NSUN6: variants seen among roughly 807,000 people sequenced by gnomAD.
NSUN6 encodes NOP2/Sun RNA methyltransferase 6, also known as tRNA (cytosine(72)-C(5))-methyltransferase NSUN6.
A neutral mutation model predicts 58.0 loss-of-function variants in NSUN6; 64 were observed. The ratio of observed to expected loss-of-function variants is 1.10; its 90% confidence interval spans 0.90 to 1.36. NSUN6 has a LOEUF of 1.36. NSUN6 is among the 40% of genes most tolerant of loss of function. NSUN6 has a pLI of 0.00. For missense variants in NSUN6, 701 were observed against 550.1 expected, an observed-to-expected ratio of 1.27 and a Z score of -2.74; for synonymous variants, 231 against 193.9, an observed-to-expected ratio of 1.19 and a Z score of -1.59.
At chr10:18,548,085 C>G in intron 10 of NSUN6, 27 bp downstream of exon 10, 1 of 1,610,548 alleles carries the variant, frequency 6.2e-7, no homozygotes, top group Non-Finnish European at 8.5e-7. Flanking sequence ...TATCTTATTA[C>G]ACAGAGAAAA....
At chr10:18,587,469 A>T (rs1412620831) in intron 7 of NSUN6, among the ~76,000 whole-genome samples, 1 of 152,176 alleles carries the variant, frequency 6.6e-6, no homozygotes, top group Non-Finnish European at 1.5e-5. Context: ...AAAGTCAATA[A>T]AGATAAGAGG....
intron 8 of NSUN6, among the ~76,000 whole-genome samples, chr10:18,560,759 A>G (rs1467432185): frequency 1.3e-5 from 2 of 150,508 alleles, no homozygotes; most frequent in Admixed American, 1.3e-4. Context: ...AATGGAATAG[A>G]GAATGGAATG....
intron 3 of NSUN6, 29 bp downstream of exon 3, chr10:18,642,447 T>C (rs1343592093): frequency 3.7e-6 from 4 of 1,076,494 alleles, no homozygotes; most frequent in Non-Finnish European, 5.8e-6. Flanking sequence ...TTGAGAATAA[T>C]ATAATTTGGA....
In NSUN6 at chr10:18,648,657, T is replaced by A. The variant is rs2059618689; in HGVS notation, c.76-12A>T. On this transcript the variant is annotated splice_polypyrimidine_tract_variant and intron_variant, in intron 1 of 10. Coordinates refer to ENST00000377304, the MANE Select transcript of NSUN6 (RefSeq NM_182543.5). The stretch of plus-strand genomic sequence containing the variant: ...AAAGCAGTCACAATCTAAAAAGAAG[T>A]TCATGTTTAAATTTCCTGAGAATTA... The A allele has an allele frequency of 9.5e-7, 1 of 1,048,576 alleles. No individual in the cohort carries two copies. The highest frequency in any genetic ancestry group is 1.7e-5 in the African/African-American group (1 of 59,094). The allele number at this position is 1,048,576 out of a possible 1,614,324, so 65.0% of individuals were successfully genotyped here.
chr10:18,621,039 G>A (rs921731886), intron 3 of NSUN6, among the ~76,000 whole-genome samples: 1 of 152,224 alleles, frequency 6.6e-6, no homozygotes, highest in Admixed American at 6.5e-5. Flanking sequence ...ACTGACATCT[G>A]GGAACTGAGA....
chr10:18,624,130 A>T (rs1395856271), intron 3 of NSUN6, among the ~76,000 whole-genome samples: 1 of 152,134 alleles, frequency 6.6e-6, no homozygotes, highest in East Asian at 1.9e-4. Flanking sequence ...GAGAAATTAA[A>T]GGAAAAACCT....
At chr10:18,626,933 C>G (rs1344340632) in intron 3 of NSUN6, among the ~76,000 whole-genome samples, 1 of 152,114 alleles carries the variant, frequency 6.6e-6, no homozygotes, top group African/African-American at 2.4e-5. Context: ...AGACTTTTAT[C>G]AAAAAGGGAG....
intron 3 of NSUN6, among the ~76,000 whole-genome samples, chr10:18,619,611 T>A (rs757995170): frequency 2.6e-5 from 4 of 152,228 alleles, no homozygotes; most frequent in Non-Finnish European, 5.9e-5. Context: ...CATCATTTTG[T>A]GGCCTACTAT....
At chr10:18,575,724 A>C (rs1319833976) in intron 8 of NSUN6, among the ~76,000 whole-genome samples, 1 of 152,158 alleles carries the variant, frequency 6.6e-6, no homozygotes, top group Non-Finnish European at 1.5e-5. Context: ...TTTGAAATGC[A>C]CCACGGAAAG....
chr10:18,639,625 C>T (rs957329815), intron 3 of NSUN6, among the ~76,000 whole-genome samples: 2 of 151,804 alleles, frequency 1.3e-5, no homozygotes, highest in African/African-American at 4.8e-5. Flanking sequence ...TTTCAGGCTT[C>T]CCTGCAATAG....
intron 3 of NSUN6, among the ~76,000 whole-genome samples, chr10:18,632,614 T>A (rs1172342172): frequency 6.6e-6 from 1 of 152,146 alleles, no homozygotes; most frequent in East Asian, 1.9e-4. Flanking sequence ...CAGACACTTC[T>A]CAAAAGAAGA....
rs1042079910 is a variant in NSUN6 at position 18,626,577 on chromosome 10, G to GGCCA, written c.312-10288_312-10285dup. Among the ~76,000 whole-genome samples, 62 of 152,228 alleles carry GGCCA rather than the reference G, an allele frequency of 4.1e-4. 1 individual carries two copies. The highest frequency in any genetic ancestry group is 1.5e-3 in the African/African-American group (61 of 41,558). ...GAGATCAGGAATTCGAGACCAACCT[G>GGCCA]GCCAACATGGTGAAACCCTGTCTCT... On this transcript the variant is annotated intron_variant, in intron 3 of 10. Transcript: ENST00000377304.
chr10:18,653,289 A>G (rs370784143), upstream of NSUN6: 5 of 981,750 alleles, frequency 5.1e-6, no homozygotes, highest in African/African-American at 5.2e-5. Context: ...ACATCTCTAT[A>G]AACTATGGAA....
intron 3 of NSUN6, among the ~76,000 whole-genome samples, chr10:18,640,602 T>C (rs543315565): frequency 4.2e-4 from 64 of 152,238 alleles, no homozygotes; most frequent in African/African-American, 1.3e-3. Context: ...AAGAGCAGCT[T>C]CCTGGTAGGG....
At chr10:18,640,219 G>A (rs562922161) in intron 3 of NSUN6, among the ~76,000 whole-genome samples, 2 of 152,312 alleles carry the variant, frequency 1.3e-5, no homozygotes, top group East Asian at 1.9e-4. Context: ...GATTACGCAT[G>A]TGCATTCATG....
chr10:18,628,459 G>A (rs1297381564), intron 3 of NSUN6, among the ~76,000 whole-genome samples: 1 of 152,166 alleles, frequency 6.6e-6, no homozygotes, highest in African/African-American at 2.4e-5. Flanking sequence ...ATTACTCCGA[G>A]CTACGGGAGG....
chr10:18,560,380 G>A (rs533966681), intron 8 of NSUN6, among the ~76,000 whole-genome samples: 1 of 151,052 alleles, frequency 6.6e-6, no homozygotes, highest in African/African-American at 2.4e-5. Context: ...ATGGAATGGA[G>A]CATGGAATGC....
chr10:18,555,267 T>G (rs2054906998), intron 8 of NSUN6, among the ~76,000 whole-genome samples: 1 of 132,478 alleles, frequency 7.5e-6, no homozygotes, highest in African/African-American at 2.9e-5. Flanking sequence ...TAACTGAATG[T>G]GAATGAAATG....
chr10:18,656,882 A>T (rs2059783860), upstream of NSUN6, among the ~76,000 whole-genome samples: 1 of 133,390 alleles, frequency 7.5e-6, no homozygotes, highest in African/African-American at 2.9e-5. Context: ...GCTGGAGTCC[A>T]GATGCACGAT....
Sources: allele counts gnomAD v4.1 joint callset (sites outside exome capture counted in the v4.1 genomes callset), GRCh38; gene constraint gnomAD v4.1.1; transcripts MANE v1.5; gene names NCBI Gene and HGNC (gene_info 2026-07-23, HGNC 2026-07-21).